BANK1: variants seen among roughly 807,000 people sequenced by gnomAD.
The protein encoded by BANK1 is B cell scaffold protein with ankyrin repeats 1.
A neutral mutation model predicts 94.5 loss-of-function variants in BANK1; 95 were observed. That is an observed-to-expected ratio of 1.00 (90% CI 0.85 to 1.19). The LOEUF (loss-of-function observed/expected upper bound fraction) is 1.19. Among genes scored for constraint, BANK1 ranks in the 50% most tolerant of loss-of-function variants. BANK1 has a pLI of 0.00. For synonymous variants in BANK1, 334 were observed against 308.4 expected (o/e 1.08, Z -0.87); for missense variants, 987 against 932.2 (o/e 1.06, Z -0.77).
intron 11 of BANK1, among the ~76,000 whole-genome samples, chr4:102,051,864 G>T (rs959635585): frequency 2.6e-5 from 4 of 152,136 alleles, no homozygotes; most frequent in Admixed American, 1.3e-4. Flanking sequence ...GGGATGGGAA[G>T]GTCAAGAAGT....
chr4:101,832,046 A>G (rs1170717355), intron 2 of BANK1, among the ~76,000 whole-genome samples: 1 of 152,188 alleles, frequency 6.6e-6, no homozygotes, highest in Non-Finnish European at 1.5e-5. Flanking sequence ...ACTTCTAATC[A>G]TTCCTGAGGA....
rs377198153 is a variant in BANK1 at position 102,071,238 on chromosome 4, C to G, written c.2213-37C>G. Reference sequence around the variant, plus strand: ...GAGAGAATTTAAGATAAATATTGAACAAAACTCAGTAGAACATGCTTTTTT... The same window carrying G: ...GAGAGAATTTAAGATAAATATTGAAGAAAACTCAGTAGAACATGCTTTTTT... On this transcript the variant is annotated intron_variant, in intron 13 of 16. Coordinates refer to ENST00000322953, the MANE Select transcript of BANK1 (RefSeq NM_017935.5). 263 of 1,606,428 alleles carry G rather than the reference C, an allele frequency of 1.6e-4. No individual in the cohort carries two copies. In the African/African-American group the frequency reaches 3.2e-3, roughly 20 times the overall value.
At chr4:101,808,038 T>A (rs1725619001) in intron 1 of BANK1, among the ~76,000 whole-genome samples, 1 of 144,820 alleles carries the variant, frequency 6.9e-6, no homozygotes, top group African/African-American at 2.6e-5. Flanking sequence ...TGAGTGGAGA[T>A]CACACGCCAC....
intron 7 of BANK1, among the ~76,000 whole-genome samples, chr4:101,948,992 T>A (rs780186717): frequency 3.0e-4 from 45 of 152,086 alleles, no homozygotes; most frequent in Admixed American, 1.0e-3. Context: ...TATTTCTGAG[T>A]TTGTGGGTGA....
At chr4:101,802,105 G>T (rs917471358) in intron 1 of BANK1, among the ~76,000 whole-genome samples, 1 of 152,268 alleles carries the variant, frequency 6.6e-6, no homozygotes, top group South Asian at 2.1e-4. Flanking sequence ...GCATAGGCCC[G>T]GGGATAGAGC....
At chr4:102,021,185 T>C (rs1726884993) in intron 7 of BANK1, among the ~76,000 whole-genome samples, 1 of 152,250 alleles carries the variant, frequency 6.6e-6, no homozygotes, top group Admixed American at 6.5e-5. Flanking sequence ...GAAAAGCTCA[T>C]AGTTTTCAAG....
chr4:101,916,654 T>C (rs1168333939), intron 6 of BANK1, among the ~76,000 whole-genome samples: 2 of 152,034 alleles, frequency 1.3e-5, no homozygotes, highest in African/African-American at 4.8e-5. Context: ...AATTCACCTG[T>C]TTATTTGTAT....
At chr4:101,945,034 A>G (rs1427577396) in intron 7 of BANK1, among the ~76,000 whole-genome samples, 2 of 151,978 alleles carry the variant, frequency 1.3e-5, no homozygotes. Context: ...GCAAACTTGT[A>G]GATGGAAAGT....
intron 10 of BANK1, among the ~76,000 whole-genome samples, chr4:102,037,762 G>T (rs1277084201): frequency 1.3e-5 from 2 of 152,172 alleles, no homozygotes; most frequent in Non-Finnish European, 2.9e-5. Flanking sequence ...ACTTCACAGG[G>T]TTTTCATGAG....
intron 7 of BANK1, among the ~76,000 whole-genome samples, chr4:101,983,167 T>A (rs1463502865): frequency 6.6e-6 from 1 of 152,110 alleles, no homozygotes; most frequent in Non-Finnish European, 1.5e-5. Context: ...TTTCTGTATG[T>A]GAAGCGCAAA....
intron 7 of BANK1, among the ~76,000 whole-genome samples, chr4:101,955,620 G>A (rs769583539): frequency 2.0e-5 from 3 of 152,022 alleles, no homozygotes; most frequent in Non-Finnish European, 4.4e-5. Context: ...TTTGATACTC[G>A]GTTTCTTGCT....
At chr4:101,986,787 G>GTGTATATATATGTGTATATGTA (rs1725494038) in intron 7 of BANK1, among the ~76,000 whole-genome samples, 12 of 89,162 alleles carry the variant, frequency 1.3e-4, no homozygotes, top group Non-Finnish European at 2.3e-4. Flanking sequence ...TTATATATGT[G>GTGTATATATATGTGTATATGTA]TGTATATATA....
chr4:101,972,442 TA>T (rs1313595662), intron 7 of BANK1: 7 of 152,112 alleles, frequency 4.6e-5, no homozygotes, highest in African/African-American at 1.4e-4. Context: ...AAGACCTTAT[TA>T]TTGAAACTGC....
At chr4:101,909,181 G>A (rs1722570562) in intron 6 of BANK1, among the ~76,000 whole-genome samples, 1 of 152,170 alleles carries the variant, frequency 6.6e-6, no homozygotes, top group Non-Finnish European at 1.5e-5. Context: ...AGAAAATGTG[G>A]CAAATATACA....
chr4:101,902,088 A>G (rs549720708), intron 6 of BANK1, among the ~76,000 whole-genome samples: 3 of 152,206 alleles, frequency 2.0e-5, no homozygotes, highest in African/African-American at 4.8e-5. Flanking sequence ...CACCATTCCT[A>G]TCTGGCTAAG....
chr4:101,811,890 C>T (rs978160438), intron 1 of BANK1, among the ~76,000 whole-genome samples: 1 of 151,924 alleles, frequency 6.6e-6, no homozygotes, highest in Non-Finnish European at 1.5e-5. Context: ...AAGTCCATTT[C>T]CTTTTTATAA....
At chr4:101,867,884 C>T (rs555651838) in intron 4 of BANK1, among the ~76,000 whole-genome samples, 6 of 151,482 alleles carry the variant, frequency 4.0e-5, no homozygotes, top group South Asian at 2.1e-4. Context: ...GGGTAGAGAG[C>T]GGGAACAAAG....
intron 6 of BANK1, among the ~76,000 whole-genome samples, chr4:101,916,519 C>G (rs1157514120): frequency 1.3e-5 from 2 of 151,942 alleles, no homozygotes; most frequent in Non-Finnish European, 2.9e-5. Context: ...CTAGGTTAAT[C>G]TTTTGAAATC....
intron 13 of BANK1, among the ~76,000 whole-genome samples, chr4:102,064,643 T>C (rs1336227946): frequency 1.3e-5 from 2 of 152,230 alleles, no homozygotes; most frequent in Admixed American, 6.5e-5. Context: ...TCAGCCGCAC[T>C]GGAATAAATA....
Sources: allele counts gnomAD v4.1 joint callset (sites outside exome capture counted in the v4.1 genomes callset), GRCh38; gene constraint gnomAD v4.1.1; transcripts MANE v1.5; gene names NCBI Gene and HGNC (gene_info 2026-07-23, HGNC 2026-07-21).